ESPN: variants seen among roughly 807,000 people sequenced by gnomAD.
ESPN encodes the protein autosomal recessive deafness type 36 protein.
Under a neutral mutation model 77.7 loss-of-function variants are expected in ESPN, and 68 were observed. That is an observed-to-expected ratio of 0.87 (90% CI 0.72 to 1.07). The LOEUF (loss-of-function observed/expected upper bound fraction) is 1.07, where lower values mean the gene tolerates loss of function less well. Among genes scored for constraint, ESPN ranks in the 50% least tolerant of loss-of-function variants. The probability of loss-of-function intolerance (pLI) is 0.00; values close to 1 mark genes in which losing one functional copy is unlikely to be tolerated. For missense variants in ESPN, 1,060 were observed against 1,239.0 expected, an observed-to-expected ratio of 0.86 and a Z score of 2.17; for synonymous variants, 449 against 567.1, an observed-to-expected ratio of 0.79 and a Z score of 2.96.
rs541447308 is a variant in ESPN, at chr1:6,428,961, A to G, written c.488+542A>G. On this transcript the variant is annotated intron_variant, in intron 2 of 12. Transcript: ENST00000645284. The surrounding 1 kb of genome is among the most constrained non-coding windows in gnomAD (Gnocchi z 5.4). The stretch of plus-strand genomic sequence containing the variant: ...GAGGCCATCCAGAGAGCATCTTGTT[A>G]TCTCCTGTGGCCCCTCAGCCCGTTC... Among the ~76,000 whole-genome samples, 7 of 152,272 alleles carry G rather than the reference A, an allele frequency of 4.6e-5. No individual in the cohort carries two copies. The highest frequency in any genetic ancestry group is 2.0e-4 in the Admixed American group (3 of 15,310).
intron 2 of ESPN, among the ~76,000 whole-genome samples, chr1:6,433,459 T>C (rs1413639013): frequency 6.6e-6 from 1 of 151,682 alleles, no homozygotes; most frequent in Admixed American, 6.6e-5. Context: ...GAAAAAAAGT[T>C]AGCCGGGTGT....
chr1:6,431,645 A>G (rs1305004724), intron 2 of ESPN, among the ~76,000 whole-genome samples: 2 of 142,456 alleles, frequency 1.4e-5, no homozygotes, highest in African/African-American at 5.4e-5. Context: ...AAAAAAAAAA[A>G]AAAAAAAAGG....
At chr1:6,445,157 C>T (rs188927448) in intron 6 of ESPN, among the ~76,000 whole-genome samples, 1 of 152,318 alleles carries the variant, frequency 6.6e-6, no homozygotes, top group East Asian at 1.9e-4. Context: ...TTCATCAGTA[C>T]AAAGAAGCAT....
intron 5 of ESPN, among the ~76,000 whole-genome samples, chr1:6,442,348 A>G (rs1325703381): frequency 6.6e-6 from 1 of 152,164 alleles, no homozygotes; most frequent in African/African-American, 2.4e-5. Flanking sequence ...AGGCAGGCAG[A>G]TCACGAGGTC....
In ESPN at chr1:6,428,369, C is replaced by T. The variant is rs749289711; in HGVS notation, c.438C>T (p.Ala146=). The T allele has an allele frequency of 7.4e-6, 12 of 1,612,890 alleles. No individual in the cohort carries two copies. In the African/African-American group the frequency reaches 8.0e-5, roughly 11 times the overall value. The change falls in exon 2 of 13, where the codon GCC becomes GCT. Residue 146 remains alanine (A), a synonymous_variant. Coordinates refer to ENST00000645284, the MANE Select transcript of ESPN (RefSeq NM_031475.3). This position sits in a 1 kb window ranked among gnomAD's most constrained non-coding sequence, Gnocchi z 5.4. ...DMGALPIHYA[A]AKGDFPSLRL... is the part of the protein sequence containing the mutation. ...GCGCCCTGCCTATCCACTACGCTGC[C>T]GCCAAAGGAGACTTCCCCTCCCTGA...
intron 5 of ESPN, among the ~76,000 whole-genome samples, chr1:6,441,351 C>A (rs1441043583): frequency 6.6e-6 from 1 of 152,218 alleles, no homozygotes; most frequent in Non-Finnish European, 1.5e-5. Flanking sequence ...CATTCACCTA[C>A]CCATAGACAT....
intron 10 of ESPN, chr1:6,455,606 C>T (rs550648261): frequency 3.7e-4 from 149 of 399,326 alleles, no homozygotes; most frequent in African/African-American, 2.8e-3. Context: ...CCCTGGACGG[C>T]GGCGCACCCC....
At chr1:6,441,096 C>T (rs1157614157) in intron 5 of ESPN, 31 bp downstream of exon 5, 1 of 1,603,042 alleles carries the variant, frequency 6.2e-7, no homozygotes, top group Non-Finnish European at 8.5e-7. Flanking sequence ...CTGTCGCATT[C>T]TTTCTTCTCG....
At chr1:6,434,168 GCTGGGATTACAGGCATGAGCCACTGCAC>G (rs1422304608) in intron 2 of ESPN, among the ~76,000 whole-genome samples, 1 of 152,176 alleles carries the variant, frequency 6.6e-6, no homozygotes, top group Non-Finnish European at 1.5e-5. Flanking sequence ...CTCCCAAAGT[GCTGGGATTACAGGCATGAGCCACTGCAC>G]CTGGCCTCCC....
Position 6,444,584 on chromosome 1 carries a change from CGCT to C in ESPN, c.1096_1098del (p.Leu366del), listed in dbSNP as rs774970657. ...CCCAATACCACGGTGTCGGTCCAGC[CGCT>C]GAACTTTGACCTCAGCTCGCCTACC... On this transcript the variant is annotated inframe_deletion, in exon 6 of 13. Transcript: ENST00000645284. 4.5e-5 allele frequency: 73 copies of C among 1,614,182 alleles called. No homozygotes were observed. Among genetic ancestry groups the C allele is most frequent in the Non-Finnish European group, 5.9e-5 (70 of 1,180,020 alleles).
chr1:6,454,554 C>T lies in ESPN; in HGVS notation c.2325+2458C>T, dbSNP rs1644014879. Reference sequence around the variant, plus strand: ...CGAAGCCGACATCCTCCGCATCGAGCAGCAAATCGAGAACCTGCAGGTGCT... The same window carrying T: ...CGAAGCCGACATCCTCCGCATCGAGTAGCAAATCGAGAACCTGCAGGTGCT... On this transcript the variant is annotated intron_variant, in intron 10 of 12. Transcript: ENST00000645284. 7.5e-6 allele frequency: 3 copies of T among 398,892 alleles called. No homozygotes were observed. The South Asian group carries it at 3.8e-4, about 51-fold the overall frequency. The allele number at this position is 398,892 out of a possible 1,614,324, so 24.7% of individuals were successfully genotyped here. A position where few individuals can be genotyped will look rare whatever the true frequency, so the allele number is the denominator to read the frequency against.
chr1:6,441,132 G>A (rs1643623848), intron 5 of ESPN, 67 bp downstream of exon 5: 17 of 1,567,182 alleles, frequency 1.1e-5, no homozygotes, highest in Non-Finnish European at 1.5e-5. Context: ...GGTGGGTGTC[G>A]TCACCCCTTT....
rs1243792664 is a variant in ESPN at position 6,450,383 on chromosome 1, G to A, written c.1916-1220G>A. 1 of 731,872 alleles carries A rather than the reference G, an allele frequency of 1.4e-6. No homozygotes were observed. Among genetic ancestry groups the A allele is most frequent in the Non-Finnish European group, 1.7e-6 (1 of 598,372 alleles). The allele number at this position is 731,872 out of a possible 1,614,324, so 45.3% of individuals were successfully genotyped here. ...CCGCTCCCTGTCCCCTGCTGTCCCA[G>A]TCTCATCCTGCCCCCCCTCCCTCCT... is the stretch of plus-strand genomic sequence containing the variant. On this transcript the variant is annotated intron_variant, in intron 8 of 12. Coordinates refer to ENST00000645284, the MANE Select transcript of ESPN (RefSeq NM_031475.3). This position sits in a 1 kb window ranked among gnomAD's most constrained non-coding sequence, Gnocchi z 4.3.
rs972565530 is a variant in ESPN, at chr1:6,427,323, G to C, written c.295-903G>C. Among the ~76,000 whole-genome samples, 1 of 152,120 alleles carries C rather than the reference G, an allele frequency of 6.6e-6. No homozygotes were observed. Among genetic ancestry groups the C allele is most frequent in the African/African-American group, 2.4e-5 (1 of 41,418 alleles). On this transcript the variant is annotated intron_variant, in intron 1 of 12. Coordinates refer to ENST00000645284, the MANE Select transcript of ESPN (RefSeq NM_031475.3). This position sits in a 1 kb window ranked among gnomAD's most constrained non-coding sequence, Gnocchi z 4.6. ...CACTCTGCCAAGTGCGGCAGCCTCT[G>C]TGTCTAGATGTTCCCGGGAATTCTC...
intron 5 of ESPN, among the ~76,000 whole-genome samples, chr1:6,442,302 G>T (rs1643665604): frequency 6.6e-6 from 1 of 152,226 alleles, no homozygotes; most frequent in Non-Finnish European, 1.5e-5. Flanking sequence ...CGGGTGCAGT[G>T]GCTCATGCCT....
Position 6,425,846 on chromosome 1 carries a change from ACCT to A in ESPN, c.294+600_294+602del, listed in dbSNP as rs544054957. On this transcript the variant is annotated intron_variant, in intron 1 of 12. Coordinates refer to ENST00000645284, the MANE Select transcript of ESPN (RefSeq NM_031475.3). Reference sequence around the variant, plus strand: ...CCCCACCTGGTCACTCTGAGCAGTGACCTCCAAGGGGAGTCCTGGCTGCTGAGA... The same window carrying A: ...CCCCACCTGGTCACTCTGAGCAGTGACCAAGGGGAGTCCTGGCTGCTGAGA... 9.5e-4 allele frequency among the ~76,000 whole-genome samples: 144 copies of A among 152,312 alleles called. 2 individuals carry two copies. The highest frequency in any genetic ancestry group is 6.8e-3 in the Middle Eastern group (2 of 294).
At chr1:6,444,756 T>G in intron 6 of ESPN, 74 bp downstream of exon 6, 9 of 1,569,048 alleles carry the variant, frequency 5.7e-6, no homozygotes, top group South Asian at 1.1e-5. Context: ...AGGATTGGCC[T>G]TGGGCCGCCC....
Position 6,444,580 on chromosome 1 carries a change from C to T in ESPN, c.1090C>T (p.Gln364Ter). ...MSSPNTTVSV[Q>*]PLNFDLSSPT... ...CTCACCCAATACCACGGTGTCGGTC[C>T]AGCCGCTGAACTTTGACCTCAGCTC... Residue 364 changes from glutamine to a stop codon, truncating the protein, a stop_gained, in exon 6 of 13, where the codon CAG (glutamine) becomes TAG (stop). Coordinates refer to ENST00000645284, the MANE Select transcript of ESPN (RefSeq NM_031475.3). LOFTEE classifies it high-confidence loss of function. 6.2e-7 allele frequency: 1 copy of T among 1,614,218 alleles called. No individual in the cohort carries two copies. Among genetic ancestry groups the T allele is most frequent in the Non-Finnish European group, 8.5e-7 (1 of 1,180,032 alleles).
At chr1:6,431,487 C>G (rs576166218) in intron 2 of ESPN, among the ~76,000 whole-genome samples, 2 of 152,036 alleles carry the variant, frequency 1.3e-5, no homozygotes, top group East Asian at 3.9e-4. Context: ...CGGGCTATGC[C>G]TGTACAGGTG....
Sources: gnomAD v4.1 joint callset for allele counts (sites outside exome capture counted in the v4.1 genomes callset) on GRCh38, gnomAD v4.1.1 for gene constraint, Gnocchi (gnomAD v3.1) non-coding constraint, MANE v1.5 for transcripts, NCBI Gene and HGNC (gene_info 2026-07-23, HGNC 2026-07-21) for gene names.